Variants in RNF121 observed in about 807,000 individuals in gnomAD.
RNF121 encodes the protein ring finger protein 121.
A neutral mutation model predicts 46.5 loss-of-function variants in RNF121; 21 were observed. That is an observed-to-expected ratio of 0.45 (90% CI 0.32 to 0.65). The LOEUF (loss-of-function observed/expected upper bound fraction) is 0.65. Ranked by LOEUF, RNF121 falls within the 30% of genes least tolerant of loss-of-function variation. The pLI, the probability that RNF121 is intolerant of heterozygous loss-of-function variation, is 0.04. For synonymous variants in RNF121, 139 were observed against 144.7 expected (o/e 0.96, Z 0.28); for missense variants, 346 against 416.0 (o/e 0.83, Z 1.46).
chr11:71,933,377 C>T (rs1953322621), intron 1 of RNF121, among the ~76,000 whole-genome samples: 1 of 152,154 alleles, frequency 6.6e-6, no homozygotes, highest in African/African-American at 2.4e-5. Context: ...CAGCCTGCAG[C>T]TAACTTGAGG....
At chr11:71,992,654 G>A (rs1018182042) in intron 6 of RNF121, among the ~76,000 whole-genome samples, 4 of 152,104 alleles carry the variant, frequency 2.6e-5, no homozygotes, top group African/African-American at 9.7e-5. Flanking sequence ...AAGACTGAAG[G>A]GAAAAATACA....
intron 1 of RNF121, among the ~76,000 whole-genome samples, chr11:71,955,488 A>G (rs74432654): frequency 0.032 from 4,944 of 152,270 alleles, 77 homozygotes; most frequent in East Asian, 0.078. Flanking sequence ...GGAGAAAGGC[A>G]GAGGACCAAA....
chr11:71,976,943 C>G (rs1954538063), intron 3 of RNF121, among the ~76,000 whole-genome samples: 1 of 152,174 alleles, frequency 6.6e-6, no homozygotes, highest in South Asian at 2.1e-4. Flanking sequence ...TTTCCATGTT[C>G]ACTGCCTCCC....
chr11:71,970,963 A>C (rs968974247), intron 3 of RNF121, among the ~76,000 whole-genome samples: 3 of 152,218 alleles, frequency 2.0e-5, no homozygotes, highest in Non-Finnish European at 2.9e-5. Context: ...TGTTAAGTAG[A>C]TTAGTTGAGA....
At position 71,994,914 on chromosome 11, in the gene RNF121, G is replaced by A. The variant is rs1391070134; in HGVS notation, c.761+62G>A. ...GCAATCTGCACACTGTAGTGAGAGAGAGAAAGAGGGTGGTCATGACCCTAG... is the reference window on the plus strand; with the variant it reads ...GCAATCTGCACACTGTAGTGAGAGAAAGAAAGAGGGTGGTCATGACCCTAG... On this transcript the variant is annotated intron_variant, in intron 7 of 8. Coordinates refer to ENST00000361756, the MANE Select transcript of RNF121 (RefSeq NM_018320.5). The A allele has an allele frequency of 3.1e-6, 5 of 1,606,080 alleles. No individual in the cohort carries two copies. In the African/African-American group the frequency reaches 6.7e-5, roughly 21 times the overall value.
At chr11:71,989,659 C>T (rs1021264048) in intron 5 of RNF121, among the ~76,000 whole-genome samples, 1 of 152,116 alleles carries the variant, frequency 6.6e-6, no homozygotes, top group Non-Finnish European at 1.5e-5. Context: ...GATTTATAGA[C>T]TCAAGGTTGC....
chr11:71,937,219 G>A (rs571297112), intron 1 of RNF121, among the ~76,000 whole-genome samples: 1 of 152,190 alleles, frequency 6.6e-6, no homozygotes, highest in East Asian at 1.9e-4. Flanking sequence ...CTCCTTGAGG[G>A]GACTGCACCT....
At chr11:71,975,478 C>T (rs562186686) in intron 3 of RNF121, among the ~76,000 whole-genome samples, 3 of 152,364 alleles carry the variant, frequency 2.0e-5, no homozygotes, top group South Asian at 4.1e-4. Flanking sequence ...AAGGATGCTT[C>T]CTTCAGGCAG....
chr11:71,952,257 C>G (rs1953898353), intron 1 of RNF121, among the ~76,000 whole-genome samples: 1 of 152,106 alleles, frequency 6.6e-6, no homozygotes, highest in African/African-American at 2.4e-5. Flanking sequence ...TATGAACTGT[C>G]TAGAATAGGC....
intron 1 of RNF121, among the ~76,000 whole-genome samples, chr11:71,931,246 T>C (rs1180574728): frequency 6.6e-6 from 1 of 152,244 alleles, no homozygotes; most frequent in Non-Finnish European, 1.5e-5. Flanking sequence ...CAGAGTATCA[T>C]GCATAGGAGT....
chr11:71,933,068 A>C lies in RNF121; in HGVS notation c.63+3944A>C, dbSNP rs191129822. On this transcript the variant is annotated intron_variant, in intron 1 of 8. Transcript: ENST00000361756. ...GATGCTAGTAGGATAAGATGTGGGT[A>C]CCAGTTAGGTGGCCCAAAAGCCAAT... is the stretch of plus-strand genomic sequence containing the variant. Among the ~76,000 whole-genome samples, 17 of 152,340 alleles carry C rather than the reference A, an allele frequency of 1.1e-4. No individual in the cohort carries two copies. The East Asian group carries it at 3.1e-3, about 28-fold the overall frequency.
At chr11:71,987,246 G>C (rs1051966133) in intron 5 of RNF121, 135 bp downstream of exon 5, 1 of 630,256 alleles carries the variant, frequency 1.6e-6, no homozygotes, top group Admixed American at 2.5e-5. Context: ...GCTGTGGGGG[G>C]ATGGGAGAAG....
chr11:71,932,060 T>C (rs1254141003), intron 1 of RNF121, among the ~76,000 whole-genome samples: 1 of 152,228 alleles, frequency 6.6e-6, no homozygotes, highest in Non-Finnish European at 1.5e-5. Flanking sequence ...ATATTCCTTT[T>C]CTCTTTTTTT....
intron 6 of RNF121, among the ~76,000 whole-genome samples, chr11:71,991,945 A>C (rs1193554313): frequency 6.6e-6 from 1 of 151,638 alleles, no homozygotes; most frequent in Non-Finnish European, 1.5e-5. Context: ...TCTCTACAAA[A>C]AAATGAGACA....
At chr11:71,995,108 G>T in intron 7 of RNF121, 1 of 569,630 alleles carries the variant, frequency 1.8e-6, no homozygotes, top group Non-Finnish European at 3.1e-6. Context: ...CCTGAGATCT[G>T]ACCAGTCACA....
At chr11:71,968,987 G>A (rs539230153) in intron 3 of RNF121, among the ~76,000 whole-genome samples, 30 of 150,400 alleles carry the variant, frequency 2.0e-4, no homozygotes, top group Non-Finnish European at 3.4e-4. Flanking sequence ...TTGGGTTCAA[G>A]TGATTCTCCT....
chr11:71,963,921 G>A (rs1394963751), intron 3 of RNF121, among the ~76,000 whole-genome samples: 21 of 152,194 alleles, frequency 1.4e-4, no homozygotes. Context: ...CTGTAGCACT[G>A]TAGTAAGTTC....
intron 1 of RNF121, among the ~76,000 whole-genome samples, chr11:71,935,487 T>A (rs1953383823): frequency 6.6e-6 from 1 of 152,216 alleles, no homozygotes; most frequent in Non-Finnish European, 1.5e-5. Context: ...TTATGTACAT[T>A]TGGGTCTTCC....
intron 3 of RNF121, among the ~76,000 whole-genome samples, chr11:71,964,248 G>A (rs1954214882): frequency 6.6e-6 from 1 of 152,058 alleles, no homozygotes. Context: ...TTATTCCTAA[G>A]TATGTTATTC....
Sources: gnomAD v4.1 joint callset for allele counts (sites outside exome capture counted in the v4.1 genomes callset) on GRCh38, gnomAD v4.1.1 for gene constraint, MANE v1.5 for transcripts, NCBI Gene and HGNC (gene_info 2026-07-23, HGNC 2026-07-21) for gene names.